The following CSNK1G3 variants were observed in gnomAD, a reference collection of about 807,000 sequenced individuals.
CSNK1G3 encodes the protein casein kinase 1 gamma 3.
Under a neutral mutation model 64.3 loss-of-function variants are expected in CSNK1G3, and 23 were observed. The observed-to-expected ratio is 0.36, with a 90% confidence interval of 0.26 to 0.51. The LOEUF is 0.51. Ranked by LOEUF, CSNK1G3 falls within the 20% of genes least tolerant of loss-of-function variation. CSNK1G3 has a pLI of 0.96. For missense variants in CSNK1G3, 357 were observed against 510.5 expected (o/e 0.70, Z 2.90); for synonymous variants, 158 against 162.2 (o/e 0.97, Z 0.20).
chr5:123,599,614 CA>C (rs1190575266), intron 10 of CSNK1G3, among the ~76,000 whole-genome samples: 4 of 152,136 alleles, frequency 2.6e-5, no homozygotes, highest in African/African-American at 9.7e-5. Flanking sequence ...CTTTCTAAAA[CA>C]TTTCTAATAC....
chr5:123,537,768 T>C (rs1781081986), intron 1 of CSNK1G3, among the ~76,000 whole-genome samples: 1 of 152,168 alleles, frequency 6.6e-6, no homozygotes, highest in African/African-American at 2.4e-5. Flanking sequence ...TGTATCCATG[T>C]ATTTCCTCCC....
At chr5:123,549,658 G>C (rs1164024931) in intron 2 of CSNK1G3, among the ~76,000 whole-genome samples, 1 of 152,176 alleles carries the variant, frequency 6.6e-6, no homozygotes, top group African/African-American at 2.4e-5. Flanking sequence ...CACTCCGCTT[G>C]CTCTTGTTTT....
chr5:123,572,601 A>G (rs1388783332), intron 4 of CSNK1G3, among the ~76,000 whole-genome samples: 1 of 152,130 alleles, frequency 6.6e-6, no homozygotes, highest in Non-Finnish European at 1.5e-5. Context: ...CTCTCTTCCA[A>G]GTTCACTGAT....
intron 6 of CSNK1G3, among the ~76,000 whole-genome samples, chr5:123,580,029 C>T (rs764424757): frequency 4.0e-5 from 6 of 151,832 alleles, no homozygotes; most frequent in African/African-American, 1.4e-4. Flanking sequence ...GAATACATAG[C>T]GGTGTTTTAA....
chr5:123,547,657 T>C (rs1295923514), intron 2 of CSNK1G3, among the ~76,000 whole-genome samples: 2 of 152,126 alleles, frequency 1.3e-5, no homozygotes, highest in South Asian at 2.1e-4. Context: ...GTCTATTCTA[T>C]CTATCTAATT....
chr5:123,557,271 T>A (rs1337108567), intron 3 of CSNK1G3, among the ~76,000 whole-genome samples: 1 of 152,144 alleles, frequency 6.6e-6, no homozygotes, highest in African/African-American at 2.4e-5. Flanking sequence ...AAGGGATTTT[T>A]CTCCTGCCTG....
chr5:123,581,717 A>C (rs1790323809), intron 6 of CSNK1G3, among the ~76,000 whole-genome samples: 1 of 151,594 alleles, frequency 6.6e-6, no homozygotes, highest in Non-Finnish European at 1.5e-5. Flanking sequence ...TTTAAAAAAA[A>C]AATCCTTGTT....
In CSNK1G3 at chr5:123,604,724, G is replaced by T. The variant is rs1335600106; in HGVS notation, c.1087G>T (p.Val363Phe). ...TATAAAAAATTTTTTTTTCAAACAG[G>T]TTGTAAGTTCTACAAATGGAGAGTT... The change falls in exon 11 of 13, where the codon GTT becomes TTT. Residue 363 changes from valine to phenylalanine, a missense_variant and splice_region_variant. Physicochemically the swap from Val to Phe is conservative, Grantham distance 50. Around this residue, in one of 3 missense-constraint regions of CSNK1G3, gnomAD observed 187 missense variants for 217.1 expected, o/e 0.86. Transcript: ENST00000345990. The T allele has an allele frequency of 6.2e-7, 1 of 1,606,322 alleles. No homozygotes were observed. The highest frequency in any genetic ancestry group is 8.5e-7 in the Non-Finnish European group (1 of 1,175,496).
In CSNK1G3 at chr5:123,523,542, G is replaced by A. The variant is rs554326850; in HGVS notation, c.-248+10972G>A. Among the ~76,000 whole-genome samples the A allele has an allele frequency of 2.6e-5, 4 of 152,258 alleles. No individual in the cohort carries two copies. The South Asian group carries it at 8.3e-4, about 32-fold the overall frequency. Reference sequence around the variant, plus strand: ...GATTTGGCAGTTCTATAAATTGCAAGGGTTAGATTTCTGAAAACTGCCCTG... The same window carrying A: ...GATTTGGCAGTTCTATAAATTGCAAAGGTTAGATTTCTGAAAACTGCCCTG... On this transcript the variant is annotated intron_variant, in intron 1 of 12. Coordinates refer to ENST00000345990, the Ensembl canonical transcript of CSNK1G3.
chr5:123,565,035 A>G (rs1027903571), intron 4 of CSNK1G3, among the ~76,000 whole-genome samples: 5 of 152,332 alleles, frequency 3.3e-5, no homozygotes, highest in Admixed American at 6.5e-5. Flanking sequence ...AAATGTTGCT[A>G]TATTTGTTTA....
At chr5:123,516,320 A>G (rs1777155659) in intron 1 of CSNK1G3, among the ~76,000 whole-genome samples, 1 of 152,152 alleles carries the variant, frequency 6.6e-6, no homozygotes, top group Admixed American at 6.5e-5. Context: ...GTGCTTTAAT[A>G]ATGTGAAATG....
chr5:123,513,932 A>G (rs1776684320), intron 1 of CSNK1G3, among the ~76,000 whole-genome samples: 1 of 152,204 alleles, frequency 6.6e-6, no homozygotes, highest in South Asian at 2.1e-4. Context: ...AATTATTTAC[A>G]AACTTTGCTC....
chr5:123,553,213 T>G, intron 3 of CSNK1G3, 66 bp downstream of exon 3: 1 of 834,984 alleles, frequency 1.2e-6, no homozygotes, highest in East Asian at 3.2e-5. Flanking sequence ...CTTATATATT[T>G]TAATTATTTT....
At chr5:123,611,404 G>A (rs1796314102) in intron 12 of CSNK1G3, among the ~76,000 whole-genome samples, 1 of 152,122 alleles carries the variant, frequency 6.6e-6, no homozygotes, top group Non-Finnish European at 1.5e-5. Flanking sequence ...TTTTTAGATT[G>A]TGTTTGAATT....
intron 2 of CSNK1G3, chr5:123,552,892 C>T: frequency 3.1e-6 from 1 of 323,874 alleles, no homozygotes. Flanking sequence ...TCTGTAGTGT[C>T]TGTATCACTT....
chr5:123,521,666 T>C (rs955575501), intron 1 of CSNK1G3, among the ~76,000 whole-genome samples: 1 of 152,188 alleles, frequency 6.6e-6, no homozygotes, highest in African/African-American at 2.4e-5. Context: ...AGTTGAAAAT[T>C]AGTAATTTTT....
At chr5:123,577,216 A>G (rs1183966979) in intron 6 of CSNK1G3, among the ~76,000 whole-genome samples, 1 of 151,984 alleles carries the variant, frequency 6.6e-6, no homozygotes, top group African/African-American at 2.4e-5. Flanking sequence ...CCCCATAATC[A>G]GTCCTTTTCT....
At position 123,589,809 on chromosome 5, in the gene CSNK1G3, A is replaced by G. The variant is rs113322272; in HGVS notation, c.845-604A>G. ...GTATATCGCCAAATAATTGTTAAAT[A>G]TATGACCAGAAATTAAGAGAAGACT... On this transcript the variant is annotated intron_variant, in intron 8 of 12. Transcript: ENST00000345990. 8.5e-3 allele frequency among the ~76,000 whole-genome samples: 1,297 copies of G among 152,310 alleles called. 9 individuals are homozygous for G. Among genetic ancestry groups the G allele is most frequent in the Middle Eastern group, 0.071 (21 of 294 alleles).
Position 123,533,003 on chromosome 5 carries a change from C to G in CSNK1G3, c.-247-12414C>G, listed in dbSNP as rs951340292. 2.6e-5 allele frequency among the ~76,000 whole-genome samples: 4 copies of G among 151,806 alleles called. No homozygotes were observed. The East Asian group carries it at 7.7e-4, about 29-fold the overall frequency. Reference sequence around the variant, plus strand: ...ATACTATGTCAAATTTTTGTATTATCTTTTAATTCTCCACTAAGGATGAAA... The same window carrying G: ...ATACTATGTCAAATTTTTGTATTATGTTTTAATTCTCCACTAAGGATGAAA... On this transcript the variant is annotated intron_variant, in intron 1 of 12. Coordinates refer to ENST00000345990, the Ensembl canonical transcript of CSNK1G3.
Sources: allele counts gnomAD v4.1 joint callset (sites outside exome capture counted in the v4.1 genomes callset), GRCh38; gene constraint gnomAD v4.1.1; regional missense constraint gnomAD v4.1.1; transcripts MANE v1.5; gene names NCBI Gene and HGNC (gene_info 2026-07-23, HGNC 2026-07-21).